RRP7A: variants seen among roughly 807,000 people sequenced by gnomAD.
RRP7A encodes the protein ribosomal RNA processing 7 homolog A.
Under a neutral mutation model 38.4 loss-of-function variants are expected in RRP7A, and 27 were observed. The ratio of observed to expected loss-of-function variants is 0.70; its 90% CI spans 0.52 to 0.97. The LOEUF is 0.97. Ranked by LOEUF, RRP7A falls within the 50% of genes least tolerant of loss-of-function variation. The pLI is 0.00. For synonymous variants in RRP7A, 124 were observed against 150.3 expected (o/e 0.83, Z 1.28); for missense variants, 327 against 375.4 (o/e 0.87, Z 1.07).
In RRP7A at chr22:42,516,065, C is replaced by G. The variant is rs746407917; in HGVS notation, c.288G>C (p.Leu96=). Residue 96 remains leucine, a synonymous_variant, in exon 3 of 7, where the codon CTG becomes CTC. Transcript: ENST00000323013. ...ACCTTGACTCCTTTGGGCTCTCAGC[C>G]AGGTCCGGCTTCTCCTGCAACTCTA... ...QSVELQEKPD[L]AESPKESRSK... 6.2e-7 allele frequency: 1 copy of G among 1,612,860 alleles called. No individual in the cohort carries two copies. Among genetic ancestry groups the G allele is most frequent in the Admixed American group, 1.7e-5 (1 of 59,794 alleles).
In RRP7A at chr22:42,518,120, T is replaced by G; in HGVS notation, c.101A>C (p.Gln34Pro). Reference protein sequence around the residue: ...AAIPIKFSEKQQASHYLYVRA... With the variant: ...AAIPIKFSEKPQASHYLYVRA... The stretch of plus-strand genomic sequence containing the variant: ...CACATAGAGGTAGTGAGAAGCCTGT[T>G]GCTTTTCAGAGAACTTGATTGGAAT... Residue 34 changes from glutamine (Q) to proline (P), a missense_variant, in exon 2 of 7, where the codon CAA becomes CCA. Around this residue, in one of 5 missense-constraint regions of RRP7A, gnomAD observed 183 missense variants for 141.8 expected, o/e 1.29. Transcript: ENST00000323013. 6.2e-7 allele frequency: 1 copy of G among 1,613,618 alleles called. No individual in the cohort carries two copies. The highest frequency in any genetic ancestry group is 2.2e-5 in the East Asian group (1 of 44,882).
chr22:42,518,087 T>C lies in RRP7A; in HGVS notation c.134A>G (p.His45Arg). 1 of 1,614,044 alleles carries C rather than the reference T, an allele frequency of 6.2e-7. No individual in the cohort carries two copies. The highest frequency in any genetic ancestry group is 8.5e-7 in the Non-Finnish European group (1 of 1,179,954). Residue 45 changes from histidine to arginine, a missense_variant, in exon 2 of 7, where the codon CAC becomes CGC. Coordinates refer to ENST00000323013, the MANE Select transcript of RRP7A (RefSeq NM_015703.5). ...GGACTTGGTGCCTTGTCGAACGCCG[T>C]GTGCTCTCACATAGAGGTAGTGAGA... ...QASHYLYVRA[H>R]GVRQGTKSTW...
At position 42,516,121 on chromosome 22, in the gene RRP7A, G is replaced by A. The variant is rs758469738; in HGVS notation, c.232C>T (p.Leu78Phe). The A allele has an allele frequency of 9.3e-6, 15 of 1,613,340 alleles. No individual in the cohort carries two copies. Among genetic ancestry groups the A allele is most frequent in the Non-Finnish European group, 1.2e-5 (14 of 1,179,672 alleles). Residue 78 changes from leucine (L) to phenylalanine (F), a missense_variant, in exon 3 of 7, where the codon CTC becomes TTC. This residue lies in a region of RRP7A where 183 missense variants were observed against 141.8 expected (regional missense o/e 1.29). Transcript: ENST00000323013. ...TGGACGAGGCCACAGGTGGACAGGA[G>A]GCGGGACAGGCTCTCCTGCCGCAGG... ...PYCTEESLSR[L>F]LSTCGLVQSV...
At chr22:42,517,399 C>T in intron 2 of RRP7A, among the ~76,000 whole-genome samples, 1 of 146,764 alleles carries the variant, frequency 6.8e-6, no homozygotes. Flanking sequence ...ATTAGAGGCA[C>T]TTTTTATTTT....
At position 42,516,087 on chromosome 22, in the gene RRP7A, T is replaced by A. The variant is rs1353762346; in HGVS notation, c.266A>T (p.Glu89Val). ...LSTCGLVQSV[E>V]LQEKPDLAES... is the part of the protein sequence containing the mutation. ...AGCCAGGTCCGGCTTCTCCTGCAACTCTACAGACTGGACGAGGCCACAGGT... is the reference window on the plus strand; with the variant it reads ...AGCCAGGTCCGGCTTCTCCTGCAACACTACAGACTGGACGAGGCCACAGGT... Residue 89 changes from glutamate to valine, a missense_variant, in exon 3 of 7, where the codon GAG (glutamate) becomes GTG (valine). This residue lies in a region of RRP7A where 183 missense variants were observed against 141.8 expected (regional missense o/e 1.29). Coordinates refer to ENST00000323013, the MANE Select transcript of RRP7A (RefSeq NM_015703.5). 1 of 1,613,714 alleles carries A rather than the reference T, an allele frequency of 6.2e-7. No homozygotes were observed. Among genetic ancestry groups the A allele is most frequent in the Admixed American group, 1.7e-5 (1 of 59,982 alleles).
chr22:42,508,981 G>A lies in RRP7A; in HGVS notation c.*3929C>T, dbSNP rs1439154714. 3.7e-6 allele frequency: 6 copies of A among 1,612,282 alleles called. No homozygotes were observed. The East Asian group carries it at 6.7e-5, about 18-fold the overall frequency. ...AGAGATGGGTTTCGTGCCCACGAGA[G>A]TGCCTGTGCCTTGTGACGAGAATTC... On this transcript the variant is annotated 3_prime_UTR_variant, in exon 7 of 7. Coordinates refer to ENST00000323013, the MANE Select transcript of RRP7A (RefSeq NM_015703.5).
At position 42,512,101 on chromosome 22, in the gene RRP7A, C is replaced by CCCCCT. The variant is rs2146617757; in HGVS notation, c.*804_*808dup. The CCCCCT allele has an allele frequency of 7.1e-7, 1 of 1,401,244 alleles. No homozygotes were observed. Among genetic ancestry groups the CCCCCT allele is most frequent in the East Asian group, 2.3e-5 (1 of 44,094 alleles). The allele number at this position is 1,401,244 out of a possible 1,614,324, so 86.8% of individuals were successfully genotyped here. A position where few individuals can be genotyped will look rare whatever the true frequency, so the allele number is the denominator to read the frequency against. ...TCCTCTGGCCACATCTCACTACCCA[C>CCCCCT]CCCCTCCCCTCTCCAGCGGTTCCAG... On this transcript the variant is annotated 3_prime_UTR_variant, in exon 7 of 7. Transcript: ENST00000323013.
In RRP7A at chr22:42,509,493, T is replaced by C. The variant is rs1271804765; in HGVS notation, c.*3417A>G. Among the ~76,000 whole-genome samples, 1 of 149,668 alleles carries C rather than the reference T, an allele frequency of 6.7e-6. No individual in the cohort carries two copies. The highest frequency in any genetic ancestry group is 6.7e-5 in the Admixed American group (1 of 14,824). On this transcript the variant is annotated 3_prime_UTR_variant, in exon 7 of 7. Coordinates refer to ENST00000323013, the MANE Select transcript of RRP7A (RefSeq NM_015703.5). Reference sequence around the variant, plus strand: ...GACTACAGGCGCCCGCCACCACGCCTGGCTTATTTTTGTATTTTTAGTAGA... The same window carrying C: ...GACTACAGGCGCCCGCCACCACGCCCGGCTTATTTTTGTATTTTTAGTAGA...
rs5758773 is a variant in RRP7A at position 42,508,774 on chromosome 22, T to G, written c.*4136A>C. Reference sequence around the variant, plus strand: ...GCCATACCTGGTGGCAAAGGAGTATTGGAAATGGAGTCAGGCTGGGTAGCC... The same window carrying G: ...GCCATACCTGGTGGCAAAGGAGTATGGGAAATGGAGTCAGGCTGGGTAGCC... On this transcript the variant is annotated 3_prime_UTR_variant, in exon 7 of 7. Transcript: ENST00000323013. Among the ~76,000 whole-genome samples, 55,984 of 151,654 alleles carry G rather than the reference T, an allele frequency of 0.37. 10,071 individuals are homozygous for G. The highest frequency in any genetic ancestry group is 0.46 in the African/African-American group (19,052 of 41,306).
In RRP7A at chr22:42,509,990, A is replaced by C. The variant is rs1448184417; in HGVS notation, c.*2920T>G. Reference sequence around the variant, plus strand: ...TTTTTTTTTTTTTTTTTTGAGATGGAGTCTGGCTCTGTCGCCCAGGCTGGA... The same window carrying C: ...TTTTTTTTTTTTTTTTTTGAGATGGCGTCTGGCTCTGTCGCCCAGGCTGGA... On this transcript the variant is annotated 3_prime_UTR_variant, in exon 7 of 7. Coordinates refer to ENST00000323013, the MANE Select transcript of RRP7A (RefSeq NM_015703.5). 4 of 136,388 alleles carry C rather than the reference A, an allele frequency of 2.9e-5. No individual in the cohort carries two copies. Among genetic ancestry groups the C allele is most frequent in the African/African-American group, 1.1e-4 (4 of 35,912 alleles). 8.4% of individuals were successfully genotyped at this position (136,388 alleles called of 1,614,324 possible).
intron 6 of RRP7A, among the ~76,000 whole-genome samples, chr22:42,513,652 C>T (rs1179466600): frequency 7.7e-6 from 1 of 129,518 alleles, no homozygotes; most frequent in Non-Finnish European, 1.7e-5. Context: ...CACAGGCGAT[C>T]GGGCCCACAG....
In RRP7A at chr22:42,519,740, C is replaced by T. The variant is rs1322438771; in HGVS notation, c.47G>A (p.Arg16His). The T allele has an allele frequency of 6.8e-6, 10 of 1,459,970 alleles. No homozygotes were observed. Among genetic ancestry groups the T allele is most frequent in the South Asian group, 2.6e-5 (2 of 75,908 alleles). The allele number at this position is 1,459,970 out of a possible 1,614,324, so 90.4% of individuals were successfully genotyped here. ...TGCGTAGCCCAGTGGGCTGGGGATACGGTCCTCCGGGTCCCGCGCGGCGCA... is the reference window on the plus strand; with the variant it reads ...TGCGTAGCCCAGTGGGCTGGGGATATGGTCCTCCGGGTCCCGCGCGGCGCA... ...RKCAARDPED[R>H]IPSPLGYAAI... The change falls in exon 1 of 7, where the codon CGT becomes CAT. Residue 16 changes from arginine to histidine, a missense_variant. Physicochemically the swap from Arg to His is conservative, Grantham distance 29. This residue lies in a region of RRP7A where 183 missense variants were observed against 141.8 expected (regional missense o/e 1.29). Coordinates refer to ENST00000323013, the MANE Select transcript of RRP7A (RefSeq NM_015703.5).
chr22:42,516,500 A>T, intron 2 of RRP7A: 1 of 369,098 alleles, frequency 2.7e-6, no homozygotes, highest in Non-Finnish European at 5.3e-6. Flanking sequence ...TTGAGAAGAG[A>T]CAGGGTTCTG....
intron 6 of RRP7A, among the ~76,000 whole-genome samples, chr22:42,513,363 TGCTGGTGAATGCAGATGGCA>T (rs1920922757): frequency 9.4e-6 from 1 of 106,926 alleles, no homozygotes; most frequent in African/African-American, 3.4e-5. Context: ...CCAGCCCTTG[TGCTGGTGAATGCAGATGGCA>T]ACCCTGGTCA....
At chr22:42,517,978 TCTC>T in intron 2 of RRP7A, 24 bp downstream of exon 2, 1 of 1,607,214 alleles carries the variant, frequency 6.2e-7, no homozygotes, top group Non-Finnish European at 8.5e-7. Flanking sequence ...AGCCCACAGG[TCTC>T]CTCCCAGACA....
In RRP7A at chr22:42,519,701, C is replaced by T. The variant is rs1920943264; in HGVS notation, c.73+13G>A. 1 of 1,446,186 alleles carries T rather than the reference C, an allele frequency of 6.9e-7. No homozygotes were observed. 89.6% of individuals were successfully genotyped at this position (1,446,186 alleles called of 1,614,324 possible). A position where few individuals can be genotyped will look rare whatever the true frequency, so the allele number is the denominator to read the frequency against. On this transcript the variant is annotated intron_variant, in intron 1 of 6. Coordinates refer to ENST00000323013, the MANE Select transcript of RRP7A (RefSeq NM_015703.5). ...CCTGACCGCCCCCGGTCTCGCGTCC[C>T]GGAGCCCCTCACCTGCGTAGCCCAG...
chr22:42,518,110 A>G lies in RRP7A; in HGVS notation c.111T>C (p.Ser37=), dbSNP rs1920936068. ...PIKFSEKQQA[S]HYLYVRAHGV... is the part of the protein sequence containing the mutation. ...CGTGTGCTCTCACATAGAGGTAGTG[A>G]GAAGCCTGTTGCTTTTCAGAGAACT... Residue 37 remains serine, a synonymous_variant, in exon 2 of 7, where the codon TCT becomes TCC. Coordinates refer to ENST00000323013, the MANE Select transcript of RRP7A (RefSeq NM_015703.5). 5 of 1,613,810 alleles carry G rather than the reference A, an allele frequency of 3.1e-6. No homozygotes were observed. The highest frequency in any genetic ancestry group is 4.2e-6 in the Non-Finnish European group (5 of 1,179,868).
chr22:42,515,813 G>A (rs942057502), intron 3 of RRP7A, among the ~76,000 whole-genome samples, 198 bp downstream of exon 3: 1 of 152,242 alleles, frequency 6.6e-6, no homozygotes, highest in Non-Finnish European at 1.5e-5. Context: ...GAAAAAGCCA[G>A]GCAGGAAGTG....
At position 42,514,883 on chromosome 22, in the gene RRP7A, G is replaced by C. The variant is rs1042331189; in HGVS notation, c.461-104C>G. ...TTGGGACCTTTTCCCACAGGGCCCG[G>C]GGCACAGGTGCTAAGGAGATCCCAG... is the stretch of plus-strand genomic sequence containing the variant. On this transcript the variant is annotated intron_variant, in intron 4 of 6. Coordinates refer to ENST00000323013, the MANE Select transcript of RRP7A (RefSeq NM_015703.5). The C allele has an allele frequency of 3.9e-5, 38 of 968,966 alleles. No individual in the cohort carries two copies. In the Admixed American group the frequency reaches 6.5e-4, roughly 16 times the overall value. The allele number at this position is 968,966 out of a possible 1,614,324, so 60.0% of individuals were successfully genotyped here.
Sources: allele counts gnomAD v4.1 joint callset (sites outside exome capture counted in the v4.1 genomes callset), GRCh38; gene constraint gnomAD v4.1.1; regional missense constraint gnomAD v4.1.1; transcripts MANE v1.5; gene names NCBI Gene and HGNC (gene_info 2026-07-23, HGNC 2026-07-21).